The following KDM3B variants were observed in gnomAD, a reference collection of about 807,000 sequenced individuals.
KDM3B encodes lysine-specific demethylase 3B.
Under a neutral mutation model 170.0 loss-of-function variants are expected in KDM3B, and 10 were observed. That is an observed-to-expected ratio of 0.06 (90% confidence interval 0.04 to 0.10). The LOEUF (loss-of-function observed/expected upper bound fraction) is 0.10, where lower values mean the gene tolerates loss of function less well. Among genes scored for constraint, KDM3B ranks in the 10% least tolerant of loss-of-function variants. The pLI, the probability that KDM3B is intolerant of heterozygous loss-of-function variation, is 1.00. For missense variants in KDM3B, 1,394 were observed against 2,195.2 expected (o/e 0.64, Z 7.29); for synonymous variants, 831 against 834.8 (o/e 1.00, Z 0.08).
At chr5:138,385,511 G>A (rs939719506) in intron 6 of KDM3B, among the ~76,000 whole-genome samples, 10 of 152,216 alleles carry the variant, frequency 6.6e-5, no homozygotes, top group East Asian at 1.9e-4. Flanking sequence ...GATTACAGGC[G>A]TGAGCCACTG....
At chr5:138,386,974 T>C (rs1044105382) in intron 7 of KDM3B, among the ~76,000 whole-genome samples, 2 of 152,216 alleles carry the variant, frequency 1.3e-5, no homozygotes, top group African/African-American at 4.8e-5. Context: ...GGTTAATGAA[T>C]TACAGTATTG....
intron 12 of KDM3B, among the ~76,000 whole-genome samples, chr5:138,416,769 G>A (rs1469091941): frequency 6.6e-6 from 1 of 151,964 alleles, no homozygotes; most frequent in African/African-American, 2.4e-5. Flanking sequence ...ACATTGATCT[G>A]TTAGTTTTTA....
intron 11 of KDM3B, among the ~76,000 whole-genome samples, chr5:138,411,132 C>T (rs934229421): frequency 8.5e-5 from 13 of 152,196 alleles, no homozygotes; most frequent in African/African-American, 2.7e-4. Context: ...TGACACTTTT[C>T]GCTACTGCTA....
intron 5 of KDM3B, among the ~76,000 whole-genome samples, chr5:138,380,232 C>T (rs749705570): frequency 6.6e-6 from 1 of 151,624 alleles, no homozygotes; most frequent in Non-Finnish European, 1.5e-5. Flanking sequence ...AGTGATCCGC[C>T]CACCTCAGCC....
At chr5:138,410,836 T>C (rs561467765) in intron 11 of KDM3B, among the ~76,000 whole-genome samples, 2 of 152,322 alleles carry the variant, frequency 1.3e-5, no homozygotes, top group South Asian at 4.1e-4. Context: ...AAAGACAGCT[T>C]ACGCCATTAT....
intron 12 of KDM3B, among the ~76,000 whole-genome samples, chr5:138,416,550 C>T (rs954603373): frequency 1.4e-5 from 2 of 142,468 alleles, no homozygotes; most frequent in East Asian, 2.2e-4. Flanking sequence ...GATCATGCCA[C>T]TGCACTACAG....
intron 6 of KDM3B, among the ~76,000 whole-genome samples, chr5:138,382,940 T>C (rs148321232): frequency 7.9e-4 from 121 of 152,252 alleles, no homozygotes; most frequent in African/African-American, 2.9e-3. Context: ...TAAGCATATA[T>C]TGTATGCCAG....
At chr5:138,365,685 A>T (rs1416665931) in intron 1 of KDM3B, among the ~76,000 whole-genome samples, 1 of 145,390 alleles carries the variant, frequency 6.9e-6, no homozygotes, top group Non-Finnish European at 1.5e-5. Context: ...TTTCCTCTTT[A>T]AAAAAAAAAA....
intron 11 of KDM3B, among the ~76,000 whole-genome samples, chr5:138,411,564 C>T (rs1221564480): frequency 1.3e-5 from 2 of 152,086 alleles, no homozygotes; most frequent in African/African-American, 2.4e-5. Flanking sequence ...CTAAGTGGAC[C>T]ATAGGCCTAA....
rs145200810 is a variant in KDM3B, at chr5:138,391,069, A to G, written c.1437A>G (p.Ser479=). Reference sequence around the variant, plus strand: ...GATTTGGAGCACCTCTCCCTAGTTCATCGCAACCTTTGACTTTTGGAAGTG... The same window carrying G: ...GATTTGGAGCACCTCTCCCTAGTTCGTCGCAACCTTTGACTTTTGGAAGTG... The part of the protein sequence containing the change: ...SSGFGAPLPS[S]SQPLTFGSGR... Residue 479 remains serine, a synonymous_variant, in exon 8 of 24, where the codon TCA becomes TCG. Transcript: ENST00000314358. The surrounding 1 kb of genome is among the most constrained non-coding windows in gnomAD (Gnocchi z 5.0). The G allele has an allele frequency of 2.0e-4, 324 of 1,610,028 alleles. No homozygotes were observed. The highest frequency in any genetic ancestry group is 2.6e-4 in the Non-Finnish European group (308 of 1,178,038).
intron 9 of KDM3B, among the ~76,000 whole-genome samples, chr5:138,397,101 C>T (rs922920581): frequency 1.3e-4 from 20 of 152,090 alleles, no homozygotes; most frequent in African/African-American, 4.6e-4. Flanking sequence ...GAGGCCGAGG[C>T]AGGTGGATCA....
chr5:138,392,175 A>G lies in KDM3B; in HGVS notation c.2543A>G (p.Asn848Ser), dbSNP rs148445583. 7.0e-4 allele frequency: 1,100 copies of G among 1,568,650 alleles called. No homozygotes were observed. Among genetic ancestry groups the G allele is most frequent in the Non-Finnish European group, 8.7e-4 (998 of 1,151,832 alleles). ...CACCTGATGGGGAAGCTGGGCCCCA[A>G]TGGGGAGCGCAGTGCTGAGCTGTTG... ...PEHLMGKLGP[N>S]GERSAELLLG... The change falls in exon 8 of 24, where the codon AAT becomes AGT. Residue 848 changes from asparagine to serine, a missense_variant. By Grantham distance (46) the Asn-to-Ser change is conservative. Around this residue, in one of 19 missense-constraint regions of KDM3B, gnomAD observed 84 missense variants for 135.8 expected, o/e 0.62. Coordinates refer to ENST00000314358, the MANE Select transcript of KDM3B (RefSeq NM_016604.4).
chr5:138,426,862 CAAAA>C (rs60899302), intron 17 of KDM3B, 109 bp from the exon 18 acceptor site: 2,297 of 546,346 alleles, frequency 4.2e-3, no homozygotes, highest in Middle Eastern at 5.8e-3. Context: ...GACTCTGTCT[CAAAA>C]AAAAAAAAAA....
chr5:138,432,043 G>A (rs1763544831), intron 23 of KDM3B, among the ~76,000 whole-genome samples: 1 of 152,218 alleles, frequency 6.6e-6, no homozygotes. Flanking sequence ...GGGAATACAG[G>A]TGTGAGCCAC....
intron 14 of KDM3B, among the ~76,000 whole-genome samples, chr5:138,420,000 C>T (rs1034500752): frequency 6.6e-6 from 1 of 152,144 alleles, no homozygotes; most frequent in Non-Finnish European, 1.5e-5. Flanking sequence ...ATTCTCCTGC[C>T]TCAGCCTCCC....
At chr5:138,365,550 G>C (rs746171425) in intron 1 of KDM3B, among the ~76,000 whole-genome samples, 2 of 151,880 alleles carry the variant, frequency 1.3e-5, no homozygotes, top group South Asian at 2.1e-4. Flanking sequence ...GAGCCATGGC[G>C]CATGGCCTAT....
chr5:138,409,442 G>T (rs1041850652), intron 11 of KDM3B, among the ~76,000 whole-genome samples: 2 of 152,174 alleles, frequency 1.3e-5, no homozygotes, highest in African/African-American at 4.8e-5. Context: ...TGAAGCAGGA[G>T]AATTCCTTGA....
chr5:138,358,708 C>T (rs1761520268), intron 1 of KDM3B, among the ~76,000 whole-genome samples: 1 of 151,944 alleles, frequency 6.6e-6, no homozygotes, highest in African/African-American at 2.4e-5. Flanking sequence ...GGTCCTCCTG[C>T]CTCAGCTTCC....
chr5:138,380,901 ATTTGCT>A (rs1762110658), intron 5 of KDM3B, among the ~76,000 whole-genome samples: 1 of 142,616 alleles, frequency 7.0e-6, no homozygotes, highest in Admixed American at 7.1e-5. Flanking sequence ...TGAGACAGAG[ATTTGCT>A]TTTGTTGCCC....
Sources: allele counts gnomAD v4.1 joint callset (sites outside exome capture counted in the v4.1 genomes callset), GRCh38; gene constraint gnomAD v4.1.1; regional missense constraint gnomAD v4.1.1; non-coding constraint Gnocchi (gnomAD v3.1); transcripts MANE v1.5; gene names NCBI Gene and HGNC (gene_info 2026-07-23, HGNC 2026-07-21).